The following LOC400499 variants were observed in gnomAD, a reference collection of about 807,000 sequenced individuals.
At chr16:11,396,114 T>A in the LOC400499 span, among the ~76,000 whole-genome samples, 3 of 152,356 alleles carry the variant, frequency 2.0e-5, no homozygotes, top group South Asian at 6.2e-4. Flanking sequence ...TGCCTACGAC[T>A]ATATTTAACC....
At chr16:11,494,420 G>A in the LOC400499 span, among the ~76,000 whole-genome samples, 107 of 151,878 alleles carry the variant, frequency 7.0e-4, no homozygotes, top group Middle Eastern at 6.8e-3. Flanking sequence ...AGGAGGGTGA[G>A]GAGACGGGTT....
the LOC400499 span, chr16:11,380,824 G>C: frequency 6.6e-6 from 1 of 152,184 alleles, no homozygotes; most frequent in African/African-American, 2.4e-5. Context: ...TGACGTAGCG[G>C]ACTCAAAACA....
the LOC400499 span, chr16:11,457,192 A>C: frequency 7.6e-6 from 5 of 661,306 alleles, no homozygotes; most frequent in African/African-American, 1.8e-5. Flanking sequence ...AAAACAAAAA[A>C]CAAGGAGCGT....
chr16:11,476,680 A>C, the LOC400499 span: 1 of 399,050 alleles, frequency 2.5e-6, no homozygotes, highest in Non-Finnish European at 4.4e-6. Context: ...ACTCACATGC[A>C]TGCATGCAAG....
At chr16:11,467,314 CA>C in the LOC400499 span, 2 of 121,046 alleles carry the variant, frequency 1.7e-5, no homozygotes, top group African/African-American at 3.0e-5. Flanking sequence ...AAAAAAAAAA[CA>C]AAAAAACTGG....
At chr16:11,489,506 G>GC in the LOC400499 span, among the ~76,000 whole-genome samples, 1 of 151,780 alleles carries the variant, frequency 6.6e-6, no homozygotes, top group African/African-American at 2.4e-5. Flanking sequence ...AATCCAACGG[G>GC]AATATTAGAG....
the LOC400499 span, chr16:11,384,870 C>T: frequency 4.9e-6 from 6 of 1,232,182 alleles, no homozygotes; most frequent in East Asian, 1.6e-4. Flanking sequence ...GGCCAACCCT[C>T]CTGGGGCCCA....
chr16:11,431,268 G>A, the LOC400499 span: 2 of 398,970 alleles, frequency 5.0e-6, no homozygotes, highest in Non-Finnish European at 8.8e-6. Flanking sequence ...CATGGGCTTT[G>A]TAGTCAGGCA....
chr16:11,393,349 C>T, the LOC400499 span: 1 of 1,229,814 alleles, frequency 8.1e-7, no homozygotes, highest in East Asian at 3.2e-5. Flanking sequence ...CCAACAGGGG[C>T]CGTGGCCCAG....
chr16:11,383,632 G>T, the LOC400499 span: 8 of 1,232,280 alleles, frequency 6.5e-6, no homozygotes, highest in East Asian at 3.2e-5. Context: ...AGATGGCTGG[G>T]GCAGCTTACC....
the LOC400499 span, among the ~76,000 whole-genome samples, chr16:11,436,288 G>C: frequency 6.6e-6 from 1 of 152,202 alleles, no homozygotes; most frequent in African/African-American, 2.4e-5. Context: ...GCCCCAGAGA[G>C]TGCCCCACGG....
the LOC400499 span, among the ~76,000 whole-genome samples, chr16:11,455,443 T>C: frequency 2.0e-3 from 309 of 152,078 alleles, 1 homozygote; most frequent in African/African-American, 7.0e-3. Flanking sequence ...TAAGCAAGAC[T>C]TGGGGTAGGG....
chr16:11,473,103 G>A, the LOC400499 span: 11 of 135,804 alleles, frequency 8.1e-5, no homozygotes, highest in African/African-American at 2.0e-4. Context: ...GTGACAGAGG[G>A]ACACGCTATC....
chr16:11,391,566 T>C, the LOC400499 span: 3 of 1,046,174 alleles, frequency 2.9e-6, no homozygotes, highest in Non-Finnish European at 3.7e-6. Flanking sequence ...CATTTCTGAT[T>C]GAAACAGTGC....
the LOC400499 span, among the ~76,000 whole-genome samples, chr16:11,512,360 A>T: frequency 1.6e-4 from 24 of 152,294 alleles, 1 homozygote; most frequent in East Asian, 4.4e-3. Context: ...GCACTTTGGG[A>T]GGCCGAGGCA....
At chr16:11,433,521 GAC>G in the LOC400499 span, among the ~76,000 whole-genome samples, 1 of 152,166 alleles carries the variant, frequency 6.6e-6, no homozygotes, top group Non-Finnish European at 1.5e-5. Context: ...CCTAATCCTT[GAC>G]ACAGAGCTCC....
the LOC400499 span, chr16:11,476,861 C>T: frequency 2.5e-4 from 98 of 399,554 alleles, no homozygotes; most frequent in African/African-American, 1.6e-3. Flanking sequence ...AGGCTGGCGG[C>T]GCTGCGGACG....
chr16:11,408,742 T>G, the LOC400499 span, among the ~76,000 whole-genome samples: 1 of 152,106 alleles, frequency 6.6e-6, no homozygotes. Context: ...TGATTATGAG[T>G]GTGAACCACT....
At chr16:11,443,903 C>T in the LOC400499 span, among the ~76,000 whole-genome samples, 3 of 151,500 alleles carry the variant, frequency 2.0e-5, no homozygotes, top group African/African-American at 7.3e-5. Context: ...GCTGGGATCT[C>T]GGCTCACCGT....
Sources: allele counts gnomAD v4.1 joint callset (sites outside exome capture counted in the v4.1 genomes callset), GRCh38; gene constraint gnomAD v4.1.1; transcripts MANE v1.5.